Variants in TONSL observed in about 807,000 individuals in gnomAD.
The protein encoded by TONSL is tonsoku-like protein.
In TONSL, 112 loss-of-function variants were observed where a neutral mutation model predicts 147.1. That is an observed-to-expected ratio of 0.76 (90% CI 0.65 to 0.89). The LOEUF (loss-of-function observed/expected upper bound fraction) is 0.89. Among genes scored for constraint, TONSL ranks in the 40% least tolerant of loss-of-function variants. The pLI is 0.00. For missense variants in TONSL, 1,883 were observed against 1,864.6 expected (o/e 1.01, Z -0.18); for synonymous variants, 868 against 801.5 (o/e 1.08, Z -1.40).
Position 144,442,245 on chromosome 8 carries a change from G to C in TONSL, c.746C>G (p.Ala249Gly), listed in dbSNP as rs1269690586. Reference sequence around the variant, plus strand: ...GGAGCCACGCACAGCGGGTACCTGTGCAATAACCACGCAGCACTCGCTCTC... The same window carrying C: ...GGAGCCACGCACAGCGGGTACCTGTCCAATAACCACGCAGCACTCGCTCTC... The part of the protein sequence containing the change: ...FMESECCVVI[A>G]QVLQDLGDFL... Residue 249 changes from alanine (A) to glycine (G), a missense_variant, in exon 6 of 26, where the codon GCA becomes GGA. By Grantham distance (60) the Ala-to-Gly change is moderately conservative (BLOSUM62 0). Transcript: ENST00000409379. The C allele has an allele frequency of 5.0e-6, 8 of 1,588,822 alleles. No individual in the cohort carries two copies. The highest frequency in any genetic ancestry group is 1.7e-6 in the Non-Finnish European group (2 of 1,164,154).
At chr8:144,432,640 G>T in intron 22 of TONSL, 180 bp from the exon 23 acceptor site, 1 of 593,762 alleles carries the variant, frequency 1.7e-6, no homozygotes, top group Non-Finnish European at 2.7e-6. Context: ...GGAGGGCGGG[G>T]CCAGACTTCC....
Position 144,436,176 on chromosome 8 carries a change from C to A in TONSL, c.2257G>T (p.Ala753Ser). Residue 753 changes from alanine to serine, a missense_variant, in exon 17 of 26, where the codon GCA becomes TCA. By Grantham distance (99) the Ala-to-Ser change is moderately conservative. Transcript: ENST00000409379. ...CGAGGCCTCTTCTGGGACGGCCGTG[C>A]GGGGCCTGCGCTGTCCTCGCCTTCT... ...SSEGEDSAGPARPSQKRPRCS... is the reference protein window; with the variant it reads ...SSEGEDSAGPSRPSQKRPRCS... 6.3e-7 allele frequency: 1 copy of A among 1,575,326 alleles called. No homozygotes were observed. Among genetic ancestry groups the A allele is most frequent in the Non-Finnish European group, 8.6e-7 (1 of 1,166,144 alleles).
Position 144,442,458 on chromosome 8 carries a change from AGCT to A in TONSL, c.579-49_579-47del, listed in dbSNP as rs764464133. The A allele has an allele frequency of 2.0e-6, 3 of 1,510,668 alleles. No individual in the cohort carries two copies. In the African/African-American group the frequency reaches 4.2e-5, roughly 21 times the overall value. The allele number at this position is 1,510,668 out of a possible 1,614,324, so 93.6% of individuals were successfully genotyped here. A position where few individuals can be genotyped will look rare whatever the true frequency, so the allele number is the denominator to read the frequency against. On this transcript the variant is annotated intron_variant, in intron 5 of 25. Transcript: ENST00000409379. ...CTGAGCACCCAGGAGTGTCCATGAC[AGCT>A]GCTGATGCCACACGGGCCCCAGCCC... is the stretch of plus-strand genomic sequence containing the variant.
At position 144,440,199 on chromosome 8, in the gene TONSL, C is replaced by T. The variant is rs745726989; in HGVS notation, c.1302G>A (p.Leu434=). Residue 434 remains leucine (L), a synonymous_variant, in exon 11 of 26, where the codon TTG becomes TTA. Coordinates refer to ENST00000409379, the MANE Select transcript of TONSL (RefSeq NM_013432.5). Reference sequence around the variant, plus strand: ...TCAGCTGCACGGTATGGAGATGCTGCAAGACCTGCCTCTGAGGAGCAGAGG... The same window carrying T: ...TCAGCTGCACGGTATGGAGATGCTGTAAGACCTGCCTCTGAGGAGCAGAGG... ...AQRPQLQRQV[L]QHLHTVQLRL... 5.0e-6 allele frequency: 8 copies of T among 1,596,142 alleles called. No individual in the cohort carries two copies. The South Asian group carries it at 5.6e-5, about 11-fold the overall frequency.
chr8:144,439,866 C>T, intron 11 of TONSL, 155 bp downstream of exon 11: 1 of 571,514 alleles, frequency 1.7e-6, no homozygotes. Flanking sequence ...GGGTCACCAC[C>T]TTCTCTGTCC....
Position 144,442,418 on chromosome 8 carries a change from G to A in TONSL, c.579-6C>T. 1 of 1,532,110 alleles carries A rather than the reference G, an allele frequency of 6.5e-7. No homozygotes were observed. Among genetic ancestry groups the A allele is most frequent in the Non-Finnish European group, 8.8e-7 (1 of 1,139,296 alleles). The allele number at this position is 1,532,110 out of a possible 1,614,324, so 94.9% of individuals were successfully genotyped here. Reference sequence around the variant, plus strand: ...CCTCGTAAAGGTGGTTCTGCCTGCAGAGGGGTGACGACCACTGAGCACCCA... The same window carrying A: ...CCTCGTAAAGGTGGTTCTGCCTGCAAAGGGGTGACGACCACTGAGCACCCA... On this transcript the variant is annotated splice_region_variant and splice_polypyrimidine_tract_variant and intron_variant, in intron 5 of 25. Transcript: ENST00000409379.
chr8:144,434,873 G>C lies in TONSL; in HGVS notation c.3023C>G (p.Thr1008Ser). 1.2e-6 allele frequency: 2 copies of C among 1,613,410 alleles called. No individual in the cohort carries two copies. The highest frequency in any genetic ancestry group is 1.7e-6 in the Non-Finnish European group (2 of 1,179,952). Residue 1008 changes from threonine (T) to serine (S), a missense_variant, in exon 20 of 26, where the codon ACT becomes AGT. Coordinates refer to ENST00000409379, the MANE Select transcript of TONSL (RefSeq NM_013432.5). ...QSNDEVLAEV[T>S]SWDLPPLTDR... ...AGTCAACGGGGGCAGGTCCCACGAA[G>C]TCACCTCAGCCAACACCTGGAAGGC...
intron 24 of TONSL, among the ~76,000 whole-genome samples, chr8:144,430,861 G>C (rs1417357203): frequency 6.6e-6 from 1 of 152,242 alleles, no homozygotes; most frequent in Non-Finnish European, 1.5e-5. Context: ...ACCCCCGGAG[G>C]AGTGCTCTCA....
intron 22 of TONSL, 150 bp downstream of exon 22, chr8:144,433,438 G>T: frequency 1.3e-6 from 1 of 769,822 alleles, no homozygotes; most frequent in Non-Finnish European, 2.1e-6. Flanking sequence ...TGGAACTCTT[G>T]GCTCAAGCGA....
chr8:144,430,952 A>G, intron 24 of TONSL, 126 bp downstream of exon 24: 2 of 1,123,322 alleles, frequency 1.8e-6, no homozygotes, highest in Non-Finnish European at 2.6e-6. Context: ...TGGAAACCGA[A>G]GGAGCCAGGT....
At chr8:144,430,595 A>C in intron 24 of TONSL, 58 bp from the exon 25 acceptor site, 1 of 1,544,498 alleles carries the variant, frequency 6.5e-7, no homozygotes. Flanking sequence ...GTGCCCCAAC[A>C]CTAGGAAAGC....
In TONSL at chr8:144,435,020, G is replaced by A. The variant is rs558700548; in HGVS notation, c.3003C>T (p.Asp1001=). 41 of 1,612,476 alleles carry A rather than the reference G, an allele frequency of 2.5e-5. No individual in the cohort carries two copies. Among genetic ancestry groups the A allele is most frequent in the East Asian group, 6.7e-5 (3 of 44,860 alleles). ...CCCCCTCCGCTCTGCGGCTCACCTC[G>A]TCATTGCTCTGCAGCACATCAGGGA... ...DLIPDVLQSN[D]EVLAEVTSWD... Residue 1001 remains aspartate, a synonymous_variant, in exon 19 of 26, where the codon GAC becomes GAT. Coordinates refer to ENST00000409379, the MANE Select transcript of TONSL (RefSeq NM_013432.5).
intron 11 of TONSL, among the ~76,000 whole-genome samples, chr8:144,439,675 G>A (rs1359897615): frequency 6.6e-6 from 1 of 152,242 alleles, no homozygotes; most frequent in African/African-American, 2.4e-5. Context: ...AGCCTGCTCT[G>A]AAGGGTTTCA....
intron 25 of TONSL, 33 bp downstream of exon 25, chr8:144,430,371 C>A: frequency 6.5e-7 from 1 of 1,541,850 alleles, no homozygotes; most frequent in Non-Finnish European, 8.7e-7. Flanking sequence ...AAAGGCCGAA[C>A]ATGGCAGGCG....
intron 2 of TONSL, 48 bp downstream of exon 2, chr8:144,444,126 CGGCCCG>C (rs1183526717): frequency 1.1e-5 from 15 of 1,307,434 alleles, no homozygotes; most frequent in East Asian, 9.6e-5. Flanking sequence ...CCCCCGATCC[CGGCCCG>C]GGCCCGGGCC....
chr8:144,434,358 C>T lies in TONSL; in HGVS notation c.3086-79G>A, dbSNP rs1330590863. 4.0e-6 allele frequency: 5 copies of T among 1,256,968 alleles called. No homozygotes were observed. The African/African-American group carries it at 7.6e-5, about 19-fold the overall frequency. 77.9% of individuals were successfully genotyped at this position (1,256,968 alleles called of 1,614,324 possible). ...AATCCCAGAGGGCAAACCAGGCAGCCCCTTTTCAACAGCCCCAGGGGTCAC... is the reference window on the plus strand; with the variant it reads ...AATCCCAGAGGGCAAACCAGGCAGCTCCTTTTCAACAGCCCCAGGGGTCAC... On this transcript the variant is annotated intron_variant, in intron 20 of 25. Transcript: ENST00000409379.
rs940940926 is a variant in TONSL, at chr8:144,444,431, G to A, written c.-17C>T. On this transcript the variant is annotated 5_prime_UTR_variant, in exon 1 of 26. Transcript: ENST00000409379. Reference sequence around the variant, plus strand: ...CAGGCTCATGCTCGGATCGCCGCGGGATCCGGACTTCCCGCGCTGCGCCGC... The same window carrying A: ...CAGGCTCATGCTCGGATCGCCGCGGAATCCGGACTTCCCGCGCTGCGCCGC... 6 of 1,230,208 alleles carry A rather than the reference G, an allele frequency of 4.9e-6. No homozygotes were observed. The African/African-American group carries it at 9.4e-5, about 19-fold the overall frequency. 76.2% of individuals were successfully genotyped at this position (1,230,208 alleles called of 1,614,324 possible).
chr8:144,440,053 A>T lies in TONSL; in HGVS notation c.1448T>A (p.Leu483Gln). 6.6e-7 allele frequency: 1 copy of T among 1,512,696 alleles called. No homozygotes were observed. Among genetic ancestry groups the T allele is most frequent in the Non-Finnish European group, 9.2e-7 (1 of 1,090,314 alleles). The allele number at this position is 1,512,696 out of a possible 1,614,324, so 93.7% of individuals were successfully genotyped here. Reference sequence around the variant, plus strand: ...TGAGAGCTCCACCTCGCCGGCCTCCAGGGCTTCGCTCTCCGCTGTGGCTGC... The same window carrying T: ...TGAGAGCTCCACCTCGCCGGCCTCCTGGGCTTCGCTCTCCGCTGTGGCTGC... ...EAAATAESEA[L>Q]EAGEVELSEG... The change falls in exon 11 of 26, where the codon CTG becomes CAG. Residue 483 changes from leucine (L) to glutamine (Q), a missense_variant. Leu to Gln is a moderately radical substitution (Grantham distance 113). Coordinates refer to ENST00000409379, the MANE Select transcript of TONSL (RefSeq NM_013432.5).
At chr8:144,438,816 A>T in intron 11 of TONSL, 81 bp from the exon 12 acceptor site, 1 of 1,433,516 alleles carries the variant, frequency 7.0e-7, no homozygotes, top group South Asian at 1.2e-5. Flanking sequence ...AAGCTCCCCA[A>T]ACTCCCAGGT....
Sources: allele counts gnomAD v4.1 joint callset (sites outside exome capture counted in the v4.1 genomes callset), GRCh38; gene constraint gnomAD v4.1.1; transcripts MANE v1.5; gene names NCBI Gene and HGNC (gene_info 2026-07-23, HGNC 2026-07-21).